HLCS: variants seen among roughly 807,000 people sequenced by gnomAD.
HLCS encodes holocarboxylase synthetase.
HLCS carries 53 observed loss-of-function variants against 75.0 expected under a neutral mutation model. The ratio of observed to expected loss-of-function variants is 0.71; its 90% CI spans 0.57 to 0.89. HLCS has a LOEUF of 0.89. Among genes scored for constraint, HLCS ranks in the 40% least tolerant of loss-of-function variants. The pLI, the probability that HLCS is intolerant of heterozygous loss-of-function variation, is 0.00. For missense variants in HLCS, 966 were observed against 1,074.0 expected (o/e 0.90, Z 1.41); for synonymous variants, 431 against 428.6 (o/e 1.01, Z -0.07).
chr21:36,771,827 A>G (rs1260400680), intron 6 of HLCS, among the ~76,000 whole-genome samples: 2 of 151,986 alleles, frequency 1.3e-5, no homozygotes, highest in Admixed American at 6.6e-5. Flanking sequence ...GTGAAACCCC[A>G]TCTCTATTAA....
intron 2 of HLCS, among the ~76,000 whole-genome samples, chr21:36,940,514 GAACT>G (rs1379474615): frequency 1.3e-5 from 2 of 152,014 alleles, no homozygotes; most frequent in African/African-American, 4.8e-5. Flanking sequence ...TAGGATTTTA[GAACT>G]AACTCCTCCT....
rs115942794 is a variant in HLCS at position 36,817,299 on chromosome 21, G to T, written c.1893-50014C>A. On this transcript the variant is annotated intron_variant, in intron 6 of 10. Transcript: ENST00000674895. ...TCTTTGCTCAGTCTGGATTTAATCG[G>T]TTTCTCTGTTCTTCCCTGTAAAACT... 4.1e-3 allele frequency among the ~76,000 whole-genome samples: 618 copies of T among 152,210 alleles called. 5 individuals are homozygous for T. The highest frequency in any genetic ancestry group is 0.014 in the African/African-American group (582 of 41,516).
chr21:36,947,917 A>G lies in HLCS; in HGVS notation c.331-8923T>C, dbSNP rs573815029. 27 of 985,362 alleles carry G rather than the reference A, an allele frequency of 2.7e-5. 1 individual carries two copies. The South Asian group carries it at 1.1e-3, about 39-fold the overall frequency. The allele number at this position is 985,362 out of a possible 1,614,324, so 61.0% of individuals were successfully genotyped here. A position where few individuals can be genotyped will look rare whatever the true frequency, so the allele number is the denominator to read the frequency against. On this transcript the variant is annotated intron_variant, in intron 2 of 10. Coordinates refer to ENST00000674895, the MANE Select transcript of HLCS (RefSeq NM_001352514.2). ...ACTCTTGTTTCTCCTCTTCCAAATC[A>G]TCTTAATTCAACGTGAAATTGTTAA...
chr21:36,883,954 C>G (rs115582833), intron 6 of HLCS, among the ~76,000 whole-genome samples: 1 of 152,102 alleles, frequency 6.6e-6, no homozygotes, highest in African/African-American at 2.4e-5. Context: ...GCCACAGCCC[C>G]GAAAAGCCGG....
intron 6 of HLCS, among the ~76,000 whole-genome samples, chr21:36,894,259 G>C (rs2064918058): frequency 6.6e-6 from 1 of 152,168 alleles, no homozygotes; most frequent in African/African-American, 2.4e-5. Flanking sequence ...AGAACTGTGA[G>C]CCAATTAAAC....
At chr21:36,772,122 C>T (rs988803005) in intron 6 of HLCS, among the ~76,000 whole-genome samples, 37 of 151,910 alleles carry the variant, frequency 2.4e-4, no homozygotes, top group African/African-American at 8.7e-4. Context: ...AGGTAAGTCC[C>T]ACTTCTCATT....
At chr21:36,878,417 A>C (rs1332840518) in intron 6 of HLCS, among the ~76,000 whole-genome samples, 1 of 152,124 alleles carries the variant, frequency 6.6e-6, no homozygotes, top group African/African-American at 2.4e-5. Flanking sequence ...TTAAAAGGAA[A>C]TTGTACTAAC....
At chr21:36,909,575 T>A (rs572497204) in intron 5 of HLCS, among the ~76,000 whole-genome samples, 1 of 152,276 alleles carries the variant, frequency 6.6e-6, no homozygotes, top group East Asian at 1.9e-4. Context: ...CAGAAACCCA[T>A]GTTATACTGT....
At chr21:36,932,049 A>G (rs149831626) in intron 4 of HLCS, among the ~76,000 whole-genome samples, 68 of 152,288 alleles carry the variant, frequency 4.5e-4, no homozygotes, top group African/African-American at 1.6e-3. Flanking sequence ...ATGGGAGGGC[A>G]TCCTGGCCAG....
At chr21:36,808,630 C>CA (rs1256660101) in intron 6 of HLCS, among the ~76,000 whole-genome samples, 2 of 152,094 alleles carry the variant, frequency 1.3e-5, no homozygotes, top group Non-Finnish European at 2.9e-5. Context: ...CCTCGCAAGA[C>CA]AGTGTTATAA....
chr21:36,822,737 C>G (rs921519473), intron 6 of HLCS, among the ~76,000 whole-genome samples: 1 of 152,072 alleles, frequency 6.6e-6, no homozygotes, highest in Non-Finnish European at 1.5e-5. Context: ...TTTACCTCTC[C>G]TAGTATTTCA....
chr21:36,884,989 A>G (rs1815967707), intron 6 of HLCS, among the ~76,000 whole-genome samples: 1 of 152,204 alleles, frequency 6.6e-6, no homozygotes. Context: ...TGTGAAAATG[A>G]TAACTAAAGG....
At chr21:36,915,907 T>C (rs71332557) in intron 5 of HLCS, among the ~76,000 whole-genome samples, 2,333 of 152,072 alleles carry the variant, frequency 0.015, 28 homozygotes, top group South Asian at 0.025. Context: ...GGGCTCTCGG[T>C]GCACAGGAGC....
intron 6 of HLCS, among the ~76,000 whole-genome samples, chr21:36,778,054 C>T (rs1239416809): frequency 6.6e-6 from 1 of 151,850 alleles, no homozygotes; most frequent in Non-Finnish European, 1.5e-5. Context: ...CTGCAAGCTC[C>T]ACCTCCCGGG....
intron 6 of HLCS, among the ~76,000 whole-genome samples, chr21:36,890,618 G>A (rs2064742379): frequency 6.6e-6 from 1 of 152,080 alleles, no homozygotes; most frequent in Non-Finnish European, 1.5e-5. Flanking sequence ...TCTAAGACAA[G>A]CCACTCACAT....
chr21:36,942,780 G>A (rs1001867774), intron 2 of HLCS, among the ~76,000 whole-genome samples: 1 of 151,952 alleles, frequency 6.6e-6, no homozygotes, highest in Non-Finnish European at 1.5e-5. Flanking sequence ...ATGGGCAAAG[G>A]ATGTAAGGCA....
intron 1 of HLCS, among the ~76,000 whole-genome samples, chr21:36,973,227 C>CTTTTTTTTTTT (rs11327894): frequency 2.2e-5 from 2 of 91,070 alleles, no homozygotes; most frequent in Non-Finnish European, 4.2e-5. Flanking sequence ...AAGACCCTGT[C>CTTTTTTTTTTT]TTTTTTTTTT....
chr21:36,937,152 T>C lies in HLCS; in HGVS notation c.734A>G (p.His245Arg), dbSNP rs1425572935. The C allele has an allele frequency of 6.2e-7, 1 of 1,614,170 alleles. No homozygotes were observed. The highest frequency in any genetic ancestry group is 1.1e-5 in the South Asian group (1 of 91,074). Residue 245 changes from histidine to arginine, a missense_variant, in exon 4 of 11, where the codon CAT (histidine) becomes CGT (arginine). Transcript: ENST00000674895. Reference protein sequence around the residue: ...DSDRGGGPVEHYHLHLSSCHE... With the variant: ...DSDRGGGPVERYHLHLSSCHE... ...GCAACTAGACAGATGGAGGTGATAA[T>C]GCTCAACGGGGCCCCCTCCCCTGTC...
intron 6 of HLCS, among the ~76,000 whole-genome samples, chr21:36,824,036 T>C (rs2061931038): frequency 6.6e-6 from 1 of 152,054 alleles, no homozygotes; most frequent in Non-Finnish European, 1.5e-5. Flanking sequence ...TCCCAGCACT[T>C]TGGGAGGCCG....
Sources: allele counts gnomAD v4.1 joint callset (sites outside exome capture counted in the v4.1 genomes callset), GRCh38; gene constraint gnomAD v4.1.1; transcripts MANE v1.5; gene names NCBI Gene and HGNC (gene_info 2026-07-23, HGNC 2026-07-21).